HECW2: variants seen among roughly 807,000 people sequenced by gnomAD.
The protein encoded by HECW2 is HECT, C2 and WW domain containing E3 ubiquitin protein ligase 2.
HECW2 carries 61 observed loss-of-function variants against 175.2 expected under a neutral mutation model. The ratio of observed to expected loss-of-function variants is 0.35; its 90% confidence interval spans 0.28 to 0.43. The LOEUF (loss-of-function observed/expected upper bound fraction) is 0.43, where lower values mean the gene tolerates loss of function less well. Ranked by LOEUF, HECW2 falls within the 20% of genes least tolerant of loss-of-function variation. The pLI, the probability that HECW2 is intolerant of heterozygous loss-of-function variation, is 1.00. For synonymous variants in HECW2, 671 were observed against 731.0 expected (o/e 0.92, Z 1.32); for missense variants, 1,524 against 2,000.5 (o/e 0.76, Z 4.54).
intron 14 of HECW2, among the ~76,000 whole-genome samples, chr2:196,285,782 G>A (rs1690365253): frequency 1.3e-5 from 2 of 152,142 alleles, no homozygotes; most frequent in Non-Finnish European, 2.9e-5. Context: ...TGGTTCTTTT[G>A]AAGGAATCAG....
intron 18 of HECW2, among the ~76,000 whole-genome samples, chr2:196,255,180 G>A (rs1274616003): frequency 1.5e-5 from 2 of 134,748 alleles, no homozygotes; most frequent in Admixed American, 7.7e-5. Context: ...TAGTAGAGAT[G>A]GGGTTTCACC....
At position 196,228,068 on chromosome 2, in the gene HECW2, G is replaced by T. The variant is rs200043475; in HGVS notation, c.3917+34C>A. 4.7e-6 allele frequency: 7 copies of T among 1,487,024 alleles called. No homozygotes were observed. In the South Asian group the frequency reaches 5.6e-5, roughly 12 times the overall value. 92.1% of individuals were successfully genotyped at this position (1,487,024 alleles called of 1,614,324 possible). A position where few individuals can be genotyped will look rare whatever the true frequency, so the allele number is the denominator to read the frequency against. ...AAAAAAACTAATATCATAGGAAATCGCCTGAAGAAAAGTGTTGGGGAAAAA... is the reference window on the plus strand; with the variant it reads ...AAAAAAACTAATATCATAGGAAATCTCCTGAAGAAAAGTGTTGGGGAAAAA... On this transcript the variant is annotated intron_variant, in intron 22 of 28. Transcript: ENST00000644978.
At chr2:196,288,323 A>C (rs1260212678) in intron 14 of HECW2, 3 of 152,224 alleles carry the variant, frequency 2.0e-5, no homozygotes, top group Non-Finnish European at 4.4e-5. Flanking sequence ...GAACAAATCC[A>C]CTCAGACACC....
intron 1 of HECW2, among the ~76,000 whole-genome samples, chr2:196,434,078 G>A (rs1017524768): frequency 3.3e-5 from 5 of 151,956 alleles, no homozygotes; most frequent in South Asian, 4.2e-4. Flanking sequence ...GTGATCTAAC[G>A]TACCATACAA....
In HECW2 at chr2:196,535,309, A is replaced by G. The variant is rs576631423; in HGVS notation, c.-36+58199T>C. 1.1e-4 allele frequency among the ~76,000 whole-genome samples: 16 copies of G among 152,342 alleles called. No individual in the cohort carries two copies. In the South Asian group the frequency reaches 3.1e-3, roughly 30 times the overall value. ...CCACTGTGAGAACTGCAGCCTGTTT[A>G]CCATGCTAGTTTTGTTATTCTTAAG... On this transcript the variant is annotated intron_variant, in intron 1 of 28. Transcript: ENST00000644978.
intron 21 of HECW2, among the ~76,000 whole-genome samples, chr2:196,233,812 T>C (rs1414478581): frequency 6.6e-6 from 1 of 152,152 alleles, no homozygotes; most frequent in Non-Finnish European, 1.5e-5. Flanking sequence ...TCTGAGAAAT[T>C]AATGACCAAG....
At chr2:196,521,274 G>C (rs1181227088) in intron 1 of HECW2, among the ~76,000 whole-genome samples, 1 of 102,850 alleles carries the variant, frequency 9.7e-6, no homozygotes, top group Non-Finnish European at 1.8e-5. Context: ...ACTAGGAAAC[G>C]TGAGTAACAA....
chr2:196,356,125 C>T (rs539919282), intron 2 of HECW2, among the ~76,000 whole-genome samples: 1 of 152,258 alleles, frequency 6.6e-6, no homozygotes, highest in African/African-American at 2.4e-5. Flanking sequence ...GGCCAGCTTC[C>T]GGACTGTAAC....
At chr2:196,226,396 C>T (rs543278392) in intron 22 of HECW2, among the ~76,000 whole-genome samples, 4,169 of 152,210 alleles carry the variant, frequency 0.027, 213 homozygotes, top group African/African-American at 0.095. Flanking sequence ...GCCAATTAAA[C>T]TTCTTTTCTT....
chr2:196,493,507 T>A (rs1348252180), intron 1 of HECW2: 1 of 152,308 alleles, frequency 6.6e-6, no homozygotes, highest in African/African-American at 2.4e-5. Context: ...ATATTATCCA[T>A]CTCTTTTTTT....
chr2:196,476,321 G>C (rs1686613305), intron 1 of HECW2, among the ~76,000 whole-genome samples: 1 of 152,110 alleles, frequency 6.6e-6, no homozygotes, highest in Middle Eastern at 3.4e-3. Flanking sequence ...GCGCATGCCT[G>C]TGGTCCCAGC....
chr2:196,277,732 T>C (rs1406784496), intron 15 of HECW2, among the ~76,000 whole-genome samples: 3 of 152,064 alleles, frequency 2.0e-5, no homozygotes, highest in Non-Finnish European at 2.9e-5. Flanking sequence ...AATCCAAATG[T>C]CCAACAATGA....
intron 3 of HECW2, among the ~76,000 whole-genome samples, chr2:196,338,624 T>C (rs932892078): frequency 6.6e-6 from 1 of 152,192 alleles, no homozygotes; most frequent in African/African-American, 2.4e-5. Context: ...AGCTACACGA[T>C]TCACTCAGGC....
chr2:196,550,894 A>G (rs1266140748), intron 1 of HECW2, among the ~76,000 whole-genome samples: 4 of 152,230 alleles, frequency 2.6e-5, no homozygotes, highest in African/African-American at 9.6e-5. Context: ...GCTTAAGACC[A>G]AATACAGTCA....
intron 1 of HECW2, among the ~76,000 whole-genome samples, chr2:196,449,083 A>G (rs981847806): frequency 6.6e-6 from 1 of 152,158 alleles, no homozygotes; most frequent in African/African-American, 2.4e-5. Context: ...TTATGTGTTA[A>G]AAAGGAAGAT....
chr2:196,342,166 A>T (rs967846023), intron 3 of HECW2, among the ~76,000 whole-genome samples: 2 of 152,002 alleles, frequency 1.3e-5, no homozygotes, highest in Non-Finnish European at 2.9e-5. Flanking sequence ...GCACTTTGGG[A>T]GGCTGAGGCG....
At chr2:196,480,489 T>C (rs907168371) in intron 1 of HECW2, among the ~76,000 whole-genome samples, 15 of 152,152 alleles carry the variant, frequency 9.9e-5, no homozygotes, top group Admixed American at 9.8e-4. Flanking sequence ...CTAGGACAGG[T>C]AGCATATTCC....
intron 2 of HECW2, among the ~76,000 whole-genome samples, chr2:196,386,630 G>A (rs546075616): frequency 3.9e-5 from 6 of 152,218 alleles, no homozygotes; most frequent in Non-Finnish European, 8.8e-5. Context: ...TTTGCTCTGG[G>A]TCTCTTTTTA....
chr2:196,205,265 C>A (rs553750946), intron 28 of HECW2, among the ~76,000 whole-genome samples: 3 of 152,070 alleles, frequency 2.0e-5, no homozygotes, highest in Admixed American at 6.6e-5. Flanking sequence ...GAGTCAGTGG[C>A]CAAATCAAGA....
Sources: allele counts gnomAD v4.1 joint callset (sites outside exome capture counted in the v4.1 genomes callset), GRCh38; gene constraint gnomAD v4.1.1; transcripts MANE v1.5; gene names NCBI Gene and HGNC (gene_info 2026-07-23, HGNC 2026-07-21).